MSI2: variants seen among roughly 807,000 people sequenced by gnomAD.
MSI2 encodes the protein musashi RNA binding protein 2, also known as RNA-binding protein Musashi homolog 2.
MSI2 carries 17 observed loss-of-function variants against 45.6 expected under a neutral mutation model. The ratio of observed to expected loss-of-function variants is 0.37; its 90% confidence interval spans 0.26 to 0.56. The LOEUF (loss-of-function observed/expected upper bound fraction) is 0.56, where lower values mean the gene tolerates loss of function less well. MSI2 is among the 20% of genes least tolerant of loss of function. The pLI is 0.77. For synonymous variants in MSI2, 156 were observed against 158.2 expected (o/e 0.99, Z 0.11); for missense variants, 293 against 444.2 (o/e 0.66, Z 3.06).
At chr17:57,674,449 A>G (rs1199341028) in intron 11 of MSI2, among the ~76,000 whole-genome samples, 3 of 152,114 alleles carry the variant, frequency 2.0e-5, no homozygotes, top group Admixed American at 6.5e-5. Flanking sequence ...CCTGGACACA[A>G]ATTGCTTTGT....
chr17:57,295,801 C>T lies in MSI2; in HGVS notation c.312+33609C>T, dbSNP rs536941594. On this transcript the variant is annotated intron_variant, in intron 5 of 13. Coordinates refer to ENST00000284073, the MANE Select transcript of MSI2 (RefSeq NM_138962.4). Reference sequence around the variant, plus strand: ...CTTTAAAATGCCAAAACAGCACCGTCATTTCCTCAGCGAAAAGAAGGGTCT... The same window carrying T: ...CTTTAAAATGCCAAAACAGCACCGTTATTTCCTCAGCGAAAAGAAGGGTCT... Among the ~76,000 whole-genome samples the T allele has an allele frequency of 2.0e-5, 3 of 152,154 alleles. No homozygotes were observed. The East Asian group carries it at 5.8e-4, about 29-fold the overall frequency.
chr17:57,698,129 G>T, the MSI2 span, among the ~76,000 whole-genome samples: 3 of 152,080 alleles, frequency 2.0e-5, no homozygotes, highest in African/African-American at 4.8e-5. Flanking sequence ...CTTCTTCAAG[G>T]CTCTCTTCCT....
At chr17:57,282,815 G>A (rs1340580567) in intron 5 of MSI2, among the ~76,000 whole-genome samples, 1 of 138,722 alleles carries the variant, frequency 7.2e-6, no homozygotes, top group African/African-American at 2.7e-5. Flanking sequence ...TTGGGCTGGG[G>A]TTGGGGGGTG....
chr17:57,413,995 G>A (rs568177140), intron 6 of MSI2, among the ~76,000 whole-genome samples: 30 of 152,074 alleles, frequency 2.0e-4, no homozygotes, highest in African/African-American at 5.6e-4. Context: ...CTTGGTGAGT[G>A]GAACAGACAA....
chr17:57,282,368 T>A (rs1053707511), intron 5 of MSI2, among the ~76,000 whole-genome samples: 2 of 152,178 alleles, frequency 1.3e-5, no homozygotes, highest in East Asian at 1.9e-4. Flanking sequence ...GGCAGTTTAG[T>A]CCTGCACTGG....
chr17:57,542,970 C>G (rs1010465780), intron 7 of MSI2, among the ~76,000 whole-genome samples: 4 of 152,232 alleles, frequency 2.6e-5, no homozygotes, highest in Non-Finnish European at 4.4e-5. Flanking sequence ...GTCTTCCACT[C>G]TCCTCCATGT....
chr17:57,292,099 G>A (rs1910472263), intron 5 of MSI2, among the ~76,000 whole-genome samples: 1 of 151,992 alleles, frequency 6.6e-6, no homozygotes, highest in Non-Finnish European at 1.5e-5. Context: ...GTAGAGGAGG[G>A]GACGCATTCA....
chr17:57,663,393 T>G (rs1003265779), intron 11 of MSI2, among the ~76,000 whole-genome samples: 1 of 152,248 alleles, frequency 6.6e-6, no homozygotes, highest in African/African-American at 2.4e-5. Context: ...TGGTAAACAT[T>G]TGATGCCTGC....
chr17:57,479,160 G>A (rs2085599758), intron 6 of MSI2, among the ~76,000 whole-genome samples: 1 of 152,152 alleles, frequency 6.6e-6, no homozygotes. Context: ...GAGACCCTTG[G>A]GCTGCTGGGG....
At chr17:57,598,772 C>A (rs576841102) in intron 8 of MSI2, among the ~76,000 whole-genome samples, 6 of 152,174 alleles carry the variant, frequency 3.9e-5, no homozygotes, top group Non-Finnish European at 8.8e-5. Flanking sequence ...AAGCAATTCT[C>A]CTGCCTCAGC....
In MSI2 at chr17:57,680,309, T is replaced by C. The variant is rs1027406751; in HGVS notation, c.*792T>C. ...TTTTCTGTTGAAAGAGGTGATATTA[T>C]AAGGTTTTTTGAAATTGTGAATTCT... On this transcript the variant is annotated 3_prime_UTR_variant, in exon 14 of 14. Transcript: ENST00000284073. 1 of 226,648 alleles carries C rather than the reference T, an allele frequency of 4.4e-6. No homozygotes were observed. The highest frequency in any genetic ancestry group is 2.2e-5 in the African/African-American group (1 of 44,976). The allele number at this position is 226,648 out of a possible 1,614,324, so 14.0% of individuals were successfully genotyped here.
chr17:57,396,235 T>G (rs980569079), intron 5 of MSI2, among the ~76,000 whole-genome samples: 5 of 152,204 alleles, frequency 3.3e-5, no homozygotes, highest in Admixed American at 1.3e-4. Context: ...AAATATTTGG[T>G]TTTTTTGGTG....
At chr17:57,334,593 A>T (rs1345041058) in intron 5 of MSI2, among the ~76,000 whole-genome samples, 2 of 152,176 alleles carry the variant, frequency 1.3e-5, no homozygotes, top group Non-Finnish European at 2.9e-5. Context: ...CAGGAGTTCG[A>T]GACCAGCCTG....
At chr17:57,633,160 G>C (rs937191695) in intron 10 of MSI2, 33 of 1,018,824 alleles carry the variant, frequency 3.2e-5, no homozygotes, top group Non-Finnish European at 3.9e-5. Context: ...AACCGAGGTA[G>C]AAAAATAAAT....
At chr17:57,505,645 G>T (rs1211379204) in intron 6 of MSI2, among the ~76,000 whole-genome samples, 2 of 152,082 alleles carry the variant, frequency 1.3e-5, no homozygotes, top group Non-Finnish European at 1.5e-5. Flanking sequence ...TTTGCCAGGG[G>T]AGTAAAAACC....
intron 6 of MSI2, among the ~76,000 whole-genome samples, chr17:57,421,825 C>G (rs1237984578): frequency 6.6e-6 from 1 of 152,136 alleles, no homozygotes; most frequent in East Asian, 1.9e-4. Flanking sequence ...CCACTGCACT[C>G]CAGCCTGGGC....
chr17:57,466,027 C>T (rs1406324616), intron 6 of MSI2, among the ~76,000 whole-genome samples: 3 of 152,112 alleles, frequency 2.0e-5, no homozygotes, highest in Admixed American at 6.5e-5. Context: ...GAGGGAGACT[C>T]GGGTGCACAC....
At chr17:57,339,929 C>T (rs1914993026) in intron 5 of MSI2, among the ~76,000 whole-genome samples, 2 of 152,138 alleles carry the variant, frequency 1.3e-5, no homozygotes, top group East Asian at 1.9e-4. Flanking sequence ...GTGGCGGTCC[C>T]TCAGAAGCTC....
At chr17:57,466,268 C>T (rs2085328551) in intron 6 of MSI2, among the ~76,000 whole-genome samples, 1 of 152,314 alleles carries the variant, frequency 6.6e-6, no homozygotes, top group East Asian at 1.9e-4. Flanking sequence ...CCTGAGAATT[C>T]CTGAAAAATT....
Sources: allele counts gnomAD v4.1 joint callset (sites outside exome capture counted in the v4.1 genomes callset), GRCh38; gene constraint gnomAD v4.1.1; transcripts MANE v1.5; gene names NCBI Gene and HGNC (gene_info 2026-07-23, HGNC 2026-07-21).